The following TBC1D16 variants were observed in gnomAD, a reference collection of about 807,000 sequenced individuals.
TBC1D16 encodes the protein TBC1 domain family member 16.
In TBC1D16, 58 loss-of-function variants were observed where a neutral mutation model predicts 74.7. That is an observed-to-expected ratio of 0.78 (90% CI 0.63 to 0.97). The LOEUF is 0.97. Among genes scored for constraint, TBC1D16 ranks in the 50% least tolerant of loss-of-function variants. The pLI, the probability that TBC1D16 is intolerant of heterozygous loss-of-function variation, is 0.00. For missense variants in TBC1D16, 1,014 were observed against 1,079.5 expected, an observed-to-expected ratio of 0.94 and a Z score of 0.85; for synonymous variants, 493 against 474.7, an observed-to-expected ratio of 1.04 and a Z score of -0.50.
chr17:80,029,333 C>A (rs1008190921), intron 1 of TBC1D16, among the ~76,000 whole-genome samples: 2 of 152,164 alleles, frequency 1.3e-5, no homozygotes, highest in Non-Finnish European at 2.9e-5. Flanking sequence ...CAGATCTATT[C>A]TTTCACAATG....
chr17:79,953,545 C>G (rs1239304156), intron 3 of TBC1D16, among the ~76,000 whole-genome samples: 1 of 152,168 alleles, frequency 6.6e-6, no homozygotes, highest in African/African-American at 2.4e-5. Context: ...TGCCCAAGGT[C>G]ACACAGCTGG....
chr17:79,986,027 C>T lies in TBC1D16; in HGVS notation c.779+24133G>A, dbSNP rs762137833. Among the ~76,000 whole-genome samples, 10 of 152,272 alleles carry T rather than the reference C, an allele frequency of 6.6e-5. No individual in the cohort carries two copies. Among genetic ancestry groups the T allele is most frequent in the South Asian group, 2.1e-4 (1 of 4,838 alleles). On this transcript the variant is annotated intron_variant, in intron 3 of 11. Transcript: ENST00000310924. The surrounding 1 kb of genome is among the most constrained non-coding windows in gnomAD (Gnocchi z 6.0). ...GGGCGCGGCCCTCCGCTCTTCAGAA[C>T]GGCTGGTGTCTGCTTTGAAAGGTCC...
rs754925270 is a variant in TBC1D16, at chr17:79,951,521, C to T, written c.1018G>A (p.Gly340Ser). Residue 340 changes from glycine to serine, a missense_variant, in exon 5 of 12, where the codon GGC becomes AGC. Gly to Ser is a moderately conservative substitution (Grantham distance 56). Transcript: ENST00000310924. Reference protein sequence around the residue: ...SQYKVFHFHHGGLDKLSDVFQ... With the variant: ...SQYKVFHFHHSGLDKLSDVFQ... The stretch of plus-strand genomic sequence containing the variant: ...ACGTCAGACAGCTTGTCCAGGCCGC[C>T]GTGGTGGAAGTGGAAAACCTTGTAC... The T allele has an allele frequency of 8.1e-6, 13 of 1,614,078 alleles. 1 individual carries two copies. Among genetic ancestry groups the T allele is most frequent in the South Asian group, 4.4e-5 (4 of 91,074 alleles).
At position 79,951,875 on chromosome 17, in the gene TBC1D16, G is replaced by A. The variant is rs935744790; in HGVS notation, c.942-278C>T. On this transcript the variant is annotated intron_variant, in intron 4 of 11. Coordinates refer to ENST00000310924, the MANE Select transcript of TBC1D16 (RefSeq NM_019020.4). ...GCCTTCTCCCCACCACCCCCTGCCC[G>A]GCAACATGGTCCCTGCAGTCCGGGA... The A allele has an allele frequency of 1.1e-5, 4 of 360,444 alleles. No homozygotes were observed. The South Asian group carries it at 1.3e-4, about 12-fold the overall frequency. The allele number at this position is 360,444 out of a possible 1,614,324, so 22.3% of individuals were successfully genotyped here.
rs2035500052 is a variant in TBC1D16 at position 80,001,877 on chromosome 17, C to T, written c.779+8283G>A. 6.6e-6 allele frequency among the ~76,000 whole-genome samples: 1 copy of T among 152,016 alleles called. No individual in the cohort carries two copies. On this transcript the variant is annotated intron_variant, in intron 3 of 11. Transcript: ENST00000310924. The surrounding 1 kb of genome is among the most constrained non-coding windows in gnomAD (Gnocchi z 5.8). ...CGCCTCCTGCTCCCTTCCTCATCCC[C>T]TGCTTTGTGTCCCCGTCTCCTGCTC...
At chr17:80,022,999 G>C (rs1202300091) in intron 1 of TBC1D16, among the ~76,000 whole-genome samples, 1 of 149,924 alleles carries the variant, frequency 6.7e-6, no homozygotes, top group Non-Finnish European at 1.5e-5. Flanking sequence ...TGACCCGGAG[G>C]CCTATGTGGT....
rs981327944 is a variant in TBC1D16, at chr17:79,986,942, TC to T, written c.779+23217del. On this transcript the variant is annotated intron_variant, in intron 3 of 11. Coordinates refer to ENST00000310924, the MANE Select transcript of TBC1D16 (RefSeq NM_019020.4). The surrounding 1 kb of genome is among the most constrained non-coding windows in gnomAD (Gnocchi z 6.0). ...GTCTCTGCTGCTGTGTTTACTTGGC[TC>T]CCTTCCCGGGATGGCCTTGTAGCAA... Among the ~76,000 whole-genome samples, 8 of 152,350 alleles carry T rather than the reference TC, an allele frequency of 5.3e-5. No individual in the cohort carries two copies. Among genetic ancestry groups the T allele is most frequent in the African/African-American group, 1.9e-4 (8 of 41,582 alleles).
At position 80,019,315 on chromosome 17, in the gene TBC1D16, G is replaced by A. The variant is rs533731279; in HGVS notation, c.-62-5706C>T. Among the ~76,000 whole-genome samples the A allele has an allele frequency of 4.4e-3, 653 of 149,940 alleles. 12 individuals are homozygous for A. The highest frequency in any genetic ancestry group is 0.018 in the South Asian group (86 of 4,748). ...GTCCCAACAGTGCAGCTTTACGGAG[G>A]AGAAGACAGGTTCTGACCACTCAGG... On this transcript the variant is annotated intron_variant, in intron 1 of 11. Transcript: ENST00000310924.
chr17:80,024,592 C>CCATAGGCACACACACCACACACCATA (rs796463708), intron 1 of TBC1D16, among the ~76,000 whole-genome samples: 40 of 115,868 alleles, frequency 3.5e-4, no homozygotes, highest in South Asian at 1.4e-3. Flanking sequence ...ACACCACACA[C>CCATAGGCACACACACCACACACCATA]CACACACCAT....
chr17:79,988,239 G>A lies in TBC1D16; in HGVS notation c.779+21921C>T, dbSNP rs9891664. Among the ~76,000 whole-genome samples the A allele has an allele frequency of 2.0e-5, 3 of 152,234 alleles. No homozygotes were observed. The highest frequency in any genetic ancestry group is 1.9e-4 in the East Asian group (1 of 5,172). ...CCACCAGCCAGGGCCGTGGCTCCTC[G>A]GCAAGTGGGCGTCCGCCGAGCCTTT... On this transcript the variant is annotated intron_variant, in intron 3 of 11. Transcript: ENST00000310924. This position sits in a 1 kb window ranked among gnomAD's most constrained non-coding sequence, Gnocchi z 5.7.
rs2143747802 is a variant in TBC1D16 at position 79,952,738 on chromosome 17, T to C, written c.860A>G (p.Gln287Arg). The C allele has an allele frequency of 2.5e-6, 4 of 1,612,180 alleles. No homozygotes were observed. Among genetic ancestry groups the C allele is most frequent in the Non-Finnish European group, 3.4e-6 (4 of 1,179,360 alleles). ...LLQTPRWDEP[Q>R]RVCALEQICG... The stretch of plus-strand genomic sequence containing the variant: ...AATCTGCTCCAGGGCGCACACCCGC[T>C]GCGGCTCGTCCCAGCGTGGGGTCTG... Residue 287 changes from glutamine to arginine, a missense_variant, in exon 4 of 12, where the codon CAG becomes CGG. Transcript: ENST00000310924.
In TBC1D16 at chr17:79,966,508, T is replaced by G. The variant is rs367688909; in HGVS notation, c.780-13690A>C. ...CTCTCTGGTCGGCCTGCTCTGCCTC[T>G]CTCTCTCTTCTAATTCTTCCCACTC... On this transcript the variant is annotated intron_variant, in intron 3 of 11. Coordinates refer to ENST00000310924, the MANE Select transcript of TBC1D16 (RefSeq NM_019020.4). 4.6e-5 allele frequency among the ~76,000 whole-genome samples: 7 copies of G among 152,108 alleles called. No homozygotes were observed. In the East Asian group the frequency reaches 7.7e-4, roughly 17 times the overall value.
chr17:80,024,452 A>ATACACCATAGACACACATAC (rs1330293126), intron 1 of TBC1D16, among the ~76,000 whole-genome samples: 3 of 6,220 alleles, frequency 4.8e-4, no homozygotes, highest in Middle Eastern at 0.05. Flanking sequence ...CACACACACC[A>ATACACCATAGACACACATAC]CACACACCAT....
In TBC1D16 at chr17:80,022,488, C is replaced by T. The variant is rs571855440; in HGVS notation, c.-62-8879G>A. Among the ~76,000 whole-genome samples, 55 of 149,430 alleles carry T rather than the reference C, an allele frequency of 3.7e-4. 7 individuals are homozygous for T. Among genetic ancestry groups the T allele is most frequent in the African/African-American group, 1.4e-3 (53 of 38,944 alleles). ...AGTAGCTGGGATTACAGGTGCCCAC[C>T]ACCACGCCTGGCTAATTTTTGTATT... On this transcript the variant is annotated intron_variant, in intron 1 of 11. Transcript: ENST00000310924.
At chr17:79,942,563 G>A (rs1205125707) in intron 10 of TBC1D16, among the ~76,000 whole-genome samples, 2 of 152,020 alleles carry the variant, frequency 1.3e-5, no homozygotes, top group African/African-American at 2.4e-5. Flanking sequence ...TTCCTCAGAA[G>A]GCCTGGCCTG....
chr17:79,964,258 G>A (rs1017420172), intron 3 of TBC1D16, among the ~76,000 whole-genome samples: 4 of 152,200 alleles, frequency 2.6e-5, no homozygotes, highest in Admixed American at 2.6e-4. Context: ...TTACAGGCGT[G>A]AGCCACCATA....
chr17:79,946,136 A>G (rs1337068366), intron 9 of TBC1D16, among the ~76,000 whole-genome samples: 1 of 152,194 alleles, frequency 6.6e-6, no homozygotes, highest in Admixed American at 6.5e-5. Context: ...ACCCACTAAC[A>G]GTCAGTCTAT....
rs1206223621 is a variant in TBC1D16 at position 79,990,545 on chromosome 17, C to T, written c.779+19615G>A. Among the ~76,000 whole-genome samples the T allele has an allele frequency of 1.3e-5, 2 of 152,250 alleles. No individual in the cohort carries two copies. Among genetic ancestry groups the T allele is most frequent in the Admixed American group, 1.3e-4 (2 of 15,290 alleles). Reference sequence around the variant, plus strand: ...GCACCAGTCTCACAGTCCCAGTCACCTTAAAAGGTCTTAACTGATTTTTCC... The same window carrying T: ...GCACCAGTCTCACAGTCCCAGTCACTTTAAAAGGTCTTAACTGATTTTTCC... On this transcript the variant is annotated intron_variant, in intron 3 of 11. Transcript: ENST00000310924. The surrounding 1 kb of genome is among the most constrained non-coding windows in gnomAD (Gnocchi z 4.8).
At chr17:80,005,681 C>T (rs138419635) in intron 3 of TBC1D16, among the ~76,000 whole-genome samples, 3 of 152,290 alleles carry the variant, frequency 2.0e-5, no homozygotes, top group African/African-American at 4.8e-5. Context: ...TCAAGGATTT[C>T]CAGGCCGTCG....
Sources: allele counts gnomAD v4.1 joint callset (sites outside exome capture counted in the v4.1 genomes callset), GRCh38; gene constraint gnomAD v4.1.1; non-coding constraint Gnocchi (gnomAD v3.1); transcripts MANE v1.5; gene names NCBI Gene and HGNC (gene_info 2026-07-23, HGNC 2026-07-21).